Variants in CCDC102B observed in about 807,000 individuals in gnomAD.
CCDC102B encodes coiled-coil domain-containing protein 102B.
CCDC102B carries 75 observed loss-of-function variants against 57.4 expected under a neutral mutation model. The observed-to-expected ratio is 1.31, with a 90% CI of 1.08 to 1.58. CCDC102B has a LOEUF of 1.58. Among genes scored for constraint, CCDC102B ranks in the 40% most tolerant of loss-of-function variants. CCDC102B has a pLI of 0.00. For synonymous variants in CCDC102B, 206 were observed against 201.9 expected (o/e 1.02, Z -0.17); for missense variants, 636 against 582.6 (o/e 1.09, Z -0.94).
intron 2 of CCDC102B, among the ~76,000 whole-genome samples, chr18:68,741,667 TCA>T (rs60407642): frequency 0.042 from 5,850 of 140,238 alleles, 138 homozygotes; most frequent in South Asian, 0.098. Flanking sequence ...TGAAGACTGG[TCA>T]CACACACACA....
At chr18:69,015,198 A>C (rs1484978110) in intron 7 of CCDC102B, among the ~76,000 whole-genome samples, 1 of 152,208 alleles carries the variant, frequency 6.6e-6, no homozygotes, top group Non-Finnish European at 1.5e-5. Flanking sequence ...CATTTCACCT[A>C]GAGGTAGGTG....
At chr18:68,955,594 T>G (rs1224390402) in intron 6 of CCDC102B, among the ~76,000 whole-genome samples, 1 of 152,094 alleles carries the variant, frequency 6.6e-6, no homozygotes, top group Non-Finnish European at 1.5e-5. Flanking sequence ...GTTTACAGAA[T>G]TCAGAAATTT....
chr18:68,964,537 A>G (rs1425211039), intron 6 of CCDC102B, among the ~76,000 whole-genome samples: 2 of 151,696 alleles, frequency 1.3e-5, no homozygotes, highest in African/African-American at 2.4e-5. Context: ...ATTTCCAGCT[A>G]TATTATCTAT....
chr18:68,721,617 A>G (rs1321674393), intron 2 of CCDC102B: 1 of 152,248 alleles, frequency 6.6e-6, no homozygotes, highest in Non-Finnish European at 1.5e-5. Context: ...GAAGAATCTG[A>G]TAAAAGAGGA....
At chr18:68,880,357 G>T (rs553130013) in intron 5 of CCDC102B, among the ~76,000 whole-genome samples, 1 of 152,192 alleles carries the variant, frequency 6.6e-6, no homozygotes, top group Non-Finnish European at 1.5e-5. Flanking sequence ...GCGCAGCCCC[G>T]GTTCCTGCTC....
chr18:68,823,036 G>A (rs890735076), intron 1 of CCDC102B, among the ~76,000 whole-genome samples: 5 of 152,094 alleles, frequency 3.3e-5, no homozygotes, highest in African/African-American at 1.2e-4. Flanking sequence ...TTGGTCTGGG[G>A]CCAAGCCTTC....
At chr18:68,893,048 T>G (rs2040132267) in intron 5 of CCDC102B, among the ~76,000 whole-genome samples, 1 of 152,246 alleles carries the variant, frequency 6.6e-6, no homozygotes, top group African/African-American at 2.4e-5. Context: ...TTTTCTCCAT[T>G]GACTAGGTCC....
chr18:68,849,444 G>T (rs757415008), intron 4 of CCDC102B, among the ~76,000 whole-genome samples: 3 of 151,956 alleles, frequency 2.0e-5, no homozygotes, highest in Non-Finnish European at 4.4e-5. Context: ...CCTCCAAACT[G>T]GATCTCACAT....
rs182735884 is a variant in CCDC102B at position 68,741,392 on chromosome 18, T to C, written c.-67+24798T>C. On this transcript the variant is annotated intron_variant, in intron 2 of 3. Coordinates refer to the CCDC102B transcript ENST00000578970. ...TTGAGCGACGGATTACATTTCCTCC[T>C]CACAAGAAAAGTTGATGCCTCTGTC... Among the ~76,000 whole-genome samples, 19 of 152,184 alleles carry C rather than the reference T, an allele frequency of 1.2e-4. No individual in the cohort carries two copies. The East Asian group carries it at 3.5e-3, about 28-fold the overall frequency.
Position 69,037,084 on chromosome 18 carries a change from A to G in CCDC102B, c.1435-16946A>G, listed in dbSNP as rs867890007. 1.1e-4 allele frequency among the ~76,000 whole-genome samples: 16 copies of G among 151,762 alleles called. No homozygotes were observed. The Middle Eastern group carries it at 0.01, about 97-fold the overall frequency. On this transcript the variant is annotated intron_variant, in intron 7 of 7. Transcript: ENST00000360242. Reference sequence around the variant, plus strand: ...ACATATATACACGCACATACACATTACTCTTTGCAAAGTTTCTGCATTGCA... The same window carrying G: ...ACATATATACACGCACATACACATTGCTCTTTGCAAAGTTTCTGCATTGCA...
At position 68,726,433 on chromosome 18, in the gene CCDC102B, T is replaced by G. The variant is rs986291146; in HGVS notation, c.-67+9839T>G. Among the ~76,000 whole-genome samples the G allele has an allele frequency of 7.9e-5, 12 of 152,374 alleles. 1 individual carries two copies. Among genetic ancestry groups the G allele is most frequent in the African/African-American group, 2.9e-4 (12 of 41,592 alleles). On this transcript the variant is annotated intron_variant, in intron 2 of 3. Transcript: ENST00000578970. ...CTACACACTCTGTATAGTGCCCTGATGTTGCCAGTGAGAGAGGCTGATGGA... is the reference window on the plus strand; with the variant it reads ...CTACACACTCTGTATAGTGCCCTGAGGTTGCCAGTGAGAGAGGCTGATGGA...
chr18:68,988,835 C>A lies in CCDC102B; in HGVS notation c.1264-22099C>A, dbSNP rs538532867. Among the ~76,000 whole-genome samples, 8 of 152,246 alleles carry A rather than the reference C, an allele frequency of 5.3e-5. No individual in the cohort carries two copies. The East Asian group carries it at 1.4e-3, about 26-fold the overall frequency. ...ATCAGGTTGGTTTGGACTTGAGTGG[C>A]AAGTGTTGGGATATTTTTTGTGAAC... On this transcript the variant is annotated intron_variant, in intron 6 of 7. Coordinates refer to ENST00000360242, the MANE Select transcript of CCDC102B (RefSeq NM_024781.3).
At chr18:68,747,026 A>AT (rs546276568) in intron 2 of CCDC102B, among the ~76,000 whole-genome samples, 287 of 152,140 alleles carry the variant, frequency 1.9e-3, no homozygotes, top group Non-Finnish European at 3.2e-3. Context: ...GTAATGAGCA[A>AT]TTCAGCATAA....
chr18:68,924,427 C>T (rs1019752568), intron 6 of CCDC102B, among the ~76,000 whole-genome samples: 5 of 152,082 alleles, frequency 3.3e-5, no homozygotes, highest in African/African-American at 1.2e-4. Flanking sequence ...CGGTGTCTTG[C>T]TTCCTCTCTG....
intron 4 of CCDC102B, among the ~76,000 whole-genome samples, chr18:68,857,178 AAAATATATTT>A (rs2038456938): frequency 8.8e-5 from 1 of 11,404 alleles, no homozygotes; most frequent in East Asian, 1.4e-3. Context: ...ATAATATATA[AAAATATATTT>A]ATATATTTTT....
At chr18:68,938,467 C>T (rs998246084) in intron 6 of CCDC102B, among the ~76,000 whole-genome samples, 1 of 151,760 alleles carries the variant, frequency 6.6e-6, no homozygotes, top group East Asian at 1.9e-4. Flanking sequence ...CATATCTAGA[C>T]AATTGTACAA....
At chr18:68,914,687 T>C (rs1362448114) in intron 6 of CCDC102B, among the ~76,000 whole-genome samples, 2 of 152,168 alleles carry the variant, frequency 1.3e-5, no homozygotes, top group Non-Finnish European at 1.5e-5. Context: ...TCACCAGAAA[T>C]TGGATAAATA....
intron 2 of CCDC102B, among the ~76,000 whole-genome samples, chr18:68,764,446 G>A (rs774571741): frequency 2.0e-5 from 3 of 152,178 alleles, no homozygotes; most frequent in Non-Finnish European, 2.9e-5. Context: ...TACCCAGTTA[G>A]TATATGGCAG....
At chr18:68,833,176 A>T (rs952031069) in intron 1 of CCDC102B, among the ~76,000 whole-genome samples, 2 of 152,164 alleles carry the variant, frequency 1.3e-5, no homozygotes, top group South Asian at 2.1e-4. Flanking sequence ...AAATTTCCTC[A>T]GTTTCCAAAC....
Sources: allele counts gnomAD v4.1 joint callset (sites outside exome capture counted in the v4.1 genomes callset), GRCh38; gene constraint gnomAD v4.1.1; transcripts MANE v1.5; gene names NCBI Gene and HGNC (gene_info 2026-07-23, HGNC 2026-07-21).